CEP83: variants seen among roughly 807,000 people sequenced by gnomAD.
CEP83 encodes the protein centrosomal protein 83.
A neutral mutation model predicts 101.9 loss-of-function variants in CEP83; 70 were observed. The ratio of observed to expected loss-of-function variants is 0.69; its 90% CI spans 0.57 to 0.84. The LOEUF is 0.84. Among genes scored for constraint, CEP83 ranks in the 40% least tolerant of loss-of-function variants. CEP83 has a pLI of 0.00. For missense variants in CEP83, 715 were observed against 787.2 expected, an observed-to-expected ratio of 0.91 and a Z score of 1.10; for synonymous variants, 264 against 267.9, an observed-to-expected ratio of 0.99 and a Z score of 0.14.
intron 6 of CEP83, 146 bp downstream of exon 6, chr12:94,400,704 A>C: frequency 2.8e-6 from 1 of 361,522 alleles, no homozygotes; most frequent in South Asian, 1.4e-4. Context: ...TGTTGATACG[A>C]AGCTGATGAA....
intron 11 of CEP83, among the ~76,000 whole-genome samples, chr12:94,352,419 C>CAAAAAA (rs770031305): frequency 1.3e-5 from 1 of 75,902 alleles, no homozygotes; most frequent in Non-Finnish European, 2.5e-5. Flanking sequence ...GACTTTGTCT[C>CAAAAAA]AAAAAAAAAA....
intron 4 of CEP83, among the ~76,000 whole-genome samples, chr12:94,404,580 C>A (rs2063432651): frequency 6.6e-6 from 1 of 152,084 alleles, no homozygotes. Flanking sequence ...CCTTGGAGGG[C>A]TGCACTCTGG....
intron 2 of CEP83, among the ~76,000 whole-genome samples, chr12:94,421,329 G>T (rs769150927): frequency 6.6e-6 from 1 of 152,010 alleles, no homozygotes; most frequent in Non-Finnish European, 1.5e-5. Context: ...AAAATGTTAG[G>T]ATTACAGGAA....
At chr12:94,313,502 C>T (rs1970181745) in intron 14 of CEP83, among the ~76,000 whole-genome samples, 1 of 145,334 alleles carries the variant, frequency 6.9e-6, no homozygotes, top group Non-Finnish European at 1.5e-5. Flanking sequence ...GCCACTCCAC[C>T]CTGGACAACA....
chr12:94,453,419 C>T (rs905041007), intron 1 of CEP83, among the ~76,000 whole-genome samples: 1 of 152,186 alleles, frequency 6.6e-6, no homozygotes, highest in African/African-American at 2.4e-5. Context: ...TTTGTGTATT[C>T]TTTCTAGTTC....
At chr12:94,403,836 C>G (rs1252181781) in intron 4 of CEP83, among the ~76,000 whole-genome samples, 1 of 148,176 alleles carries the variant, frequency 6.7e-6, no homozygotes, top group Non-Finnish European at 1.5e-5. Flanking sequence ...CACATAGGAA[C>G]CACTCAACTA....
intron 4 of CEP83, among the ~76,000 whole-genome samples, chr12:94,404,938 A>G (rs1345372644): frequency 2.6e-5 from 4 of 152,194 alleles, no homozygotes; most frequent in Non-Finnish European, 5.9e-5. Flanking sequence ...GAAGGTTTTT[A>G]AGCTTAAGAG....
intron 11 of CEP83, among the ~76,000 whole-genome samples, chr12:94,357,289 G>A (rs949452436): frequency 6.6e-6 from 1 of 152,086 alleles, no homozygotes; most frequent in Non-Finnish European, 1.5e-5. Flanking sequence ...GACTGAGAGT[G>A]GATAAAGGAA....
downstream of CEP83, among the ~76,000 whole-genome samples, chr12:94,301,645 C>G (rs1968478070): frequency 6.6e-6 from 1 of 152,134 alleles, no homozygotes; most frequent in Non-Finnish European, 1.5e-5. Flanking sequence ...CTAAACTGAG[C>G]AATATCTGTG....
intron 11 of CEP83, among the ~76,000 whole-genome samples, chr12:94,361,771 G>A (rs373464518): frequency 6.6e-5 from 10 of 151,584 alleles, no homozygotes; most frequent in Admixed American, 3.9e-4. Flanking sequence ...GCATGGTCTC[G>A]GCTCACCACA....
At chr12:94,430,089 A>G (rs552766239) in intron 2 of CEP83, among the ~76,000 whole-genome samples, 1 of 150,648 alleles carries the variant, frequency 6.6e-6, no homozygotes, top group East Asian at 2.0e-4. Flanking sequence ...GGCCTCACCC[A>G]CCCCCCATGC....
downstream of CEP83, chr12:94,303,732 C>CTTTT (rs201354613): frequency 2.8e-5 from 24 of 844,024 alleles, no homozygotes; most frequent in South Asian, 3.0e-4. Flanking sequence ...GTGATGGTTG[C>CTTTT]TTTTTTTTTT....
intron 4 of CEP83, among the ~76,000 whole-genome samples, chr12:94,403,532 T>C (rs1167421293): frequency 6.6e-6 from 1 of 152,226 alleles, no homozygotes; most frequent in Non-Finnish European, 1.5e-5. Context: ...AATAACTATG[T>C]TGGCAGCTAA....
chr12:94,408,559 C>T (rs2063690064), intron 4 of CEP83, among the ~76,000 whole-genome samples: 1 of 151,992 alleles, frequency 6.6e-6, no homozygotes, highest in Non-Finnish European at 1.5e-5. Context: ...ATGTACTGAC[C>T]ACTTACTAGA....
At chr12:94,283,583 T>C in the CEP83 span, among the ~76,000 whole-genome samples, 1 of 152,178 alleles carries the variant, frequency 6.6e-6, no homozygotes, top group African/African-American at 2.4e-5. Flanking sequence ...CAAATCAGTC[T>C]CCCTGAGCGT....
At chr12:94,367,712 T>G (rs1312045010) in intron 11 of CEP83, 82 bp downstream of exon 11, 5 of 922,454 alleles carry the variant, frequency 5.4e-6, no homozygotes, top group Non-Finnish European at 7.9e-6. Flanking sequence ...ACATGGGAAT[T>G]CTTTGTACTA....
rs74340001 is a variant in CEP83, at chr12:94,375,993, G to A, written c.826C>T (p.Arg276Trp). The change falls in exon 8 of 17, where the codon CGG becomes TGG. Residue 276 changes from arginine to tryptophan, a missense_variant. Physicochemically the swap from Arg to Trp is moderately radical, Grantham distance 101 (BLOSUM62 -3). Coordinates refer to ENST00000397809, the MANE Select transcript of CEP83 (RefSeq NM_016122.3). ...LEAEKQSANL[R>W]AERLEKELQS... is the part of the protein sequence containing the mutation. Reference sequence around the variant, plus strand: ...AGCTCTTTTTCCAAACGTTCTGCCCGTAAATTAGCTGATTGTTTTTCAGCC... The same window carrying A: ...AGCTCTTTTTCCAAACGTTCTGCCCATAAATTAGCTGATTGTTTTTCAGCC... 98,561 of 1,546,866 alleles carry A rather than the reference G, an allele frequency of 0.064. 3,745 individuals are homozygous for A. The highest frequency in any genetic ancestry group is 0.076 in the Non-Finnish European group (86,274 of 1,141,434).
At chr12:94,430,139 A>T (rs991534152) in intron 2 of CEP83, among the ~76,000 whole-genome samples, 3 of 152,062 alleles carry the variant, frequency 2.0e-5, no homozygotes, top group Non-Finnish European at 2.9e-5. Flanking sequence ...CACACAACTC[A>T]GCCACCATTG....
At chr12:94,433,124 C>T (rs1453279295) in intron 2 of CEP83, among the ~76,000 whole-genome samples, 1 of 152,024 alleles carries the variant, frequency 6.6e-6, no homozygotes, top group Non-Finnish European at 1.5e-5. Flanking sequence ...TAAGGTAGGG[C>T]CTAGAAGGCC....
Sources: allele counts gnomAD v4.1 joint callset (sites outside exome capture counted in the v4.1 genomes callset), GRCh38; gene constraint gnomAD v4.1.1; transcripts MANE v1.5; gene names NCBI Gene and HGNC (gene_info 2026-07-23, HGNC 2026-07-21).